Variants in KIAA0513 observed in about 807,000 individuals in gnomAD.
The protein encoded by KIAA0513 is KIAA0513.
A neutral mutation model predicts 56.5 loss-of-function variants in KIAA0513; 39 were observed. The ratio of observed to expected loss-of-function variants is 0.69; its 90% CI spans 0.53 to 0.90. The LOEUF (loss-of-function observed/expected upper bound fraction) is 0.90, where lower values mean the gene tolerates loss of function less well. Among genes scored for constraint, KIAA0513 ranks in the 40% least tolerant of loss-of-function variants. KIAA0513 has a pLI of 0.00. For missense variants in KIAA0513, 591 were observed against 535.2 expected, an observed-to-expected ratio of 1.10 and a Z score of -1.03; for synonymous variants, 268 against 215.6, an observed-to-expected ratio of 1.24 and a Z score of -2.13.
chr16:85,039,390 C>A (rs1167969269), intron 1 of KIAA0513, among the ~76,000 whole-genome samples: 1 of 152,200 alleles, frequency 6.6e-6, no homozygotes, highest in African/African-American at 2.4e-5. Flanking sequence ...GCAGCCTCAA[C>A]CTCCTGGGAT....
chr16:85,066,617 G>T (rs1256920071), intron 1 of KIAA0513, among the ~76,000 whole-genome samples: 1 of 152,174 alleles, frequency 6.6e-6, no homozygotes, highest in Non-Finnish European at 1.5e-5. Flanking sequence ...CTGGCGATGG[G>T]CTCAGTCTTG....
chr16:85,047,237 C>G (rs898617772), intron 1 of KIAA0513, among the ~76,000 whole-genome samples: 4 of 152,182 alleles, frequency 2.6e-5, no homozygotes, highest in African/African-American at 9.6e-5. Flanking sequence ...ATGCTCCGTC[C>G]TAACCTTCAG....
At chr16:85,049,743 T>C (rs894357100) in intron 1 of KIAA0513, among the ~76,000 whole-genome samples, 5 of 152,182 alleles carry the variant, frequency 3.3e-5, no homozygotes, top group Non-Finnish European at 7.4e-5. Flanking sequence ...GTAGATCCAA[T>C]TGAACCTTTG....
intron 10 of KIAA0513, among the ~76,000 whole-genome samples, chr16:85,085,331 A>G (rs375421948): frequency 3.3e-5 from 5 of 152,276 alleles, no homozygotes; most frequent in East Asian, 3.9e-4. Flanking sequence ...GACCCCTGCT[A>G]AGCTGCAGCA....
chr16:85,072,976 T>C lies in KIAA0513; in HGVS notation c.481T>C (p.Ser161Pro), dbSNP rs780939440. The change falls in exon 4 of 13, where the codon TCT becomes CCT. Residue 161 changes from serine to proline, a missense_variant. Ser to Pro is a moderately conservative substitution (Grantham distance 74, BLOSUM62 -1). Coordinates refer to ENST00000683363, the MANE Select transcript of KIAA0513 (RefSeq NM_001388359.1). ...GGCAACCTTCTACCGCCTGGTGCAG[T>C]CTTTTGCAGTGGTGCTGTTCGAGTA... is the stretch of plus-strand genomic sequence containing the variant. ...SEATFYRLVQ[S>P]FAVVLFECHQ... 1 of 1,614,132 alleles carries C rather than the reference T, an allele frequency of 6.2e-7. No homozygotes were observed. Among genetic ancestry groups the C allele is most frequent in the Non-Finnish European group, 8.5e-7 (1 of 1,179,988 alleles).
intron 6 of KIAA0513, among the ~76,000 whole-genome samples, chr16:85,077,999 C>G (rs991359366): frequency 6.6e-6 from 1 of 152,310 alleles, no homozygotes; most frequent in Non-Finnish European, 1.5e-5. Context: ...AACACTGTCC[C>G]CAGGAGAGCA....
At chr16:85,029,643 CCCT>C (rs1380682052) in intron 1 of KIAA0513, among the ~76,000 whole-genome samples, 2 of 152,190 alleles carry the variant, frequency 1.3e-5, no homozygotes, top group Non-Finnish European at 1.5e-5. Context: ...CCCACCTCCT[CCCT>C]CCTTTCTCTC....
chr16:85,059,735 C>G (rs1326017539), intron 1 of KIAA0513, among the ~76,000 whole-genome samples: 1 of 152,232 alleles, frequency 6.6e-6, no homozygotes, highest in African/African-American at 2.4e-5. Context: ...CTCCTCTGAG[C>G]TGTCTCATGT....
intron 1 of KIAA0513, among the ~76,000 whole-genome samples, chr16:85,052,060 G>A (rs1433092048): frequency 2.0e-5 from 3 of 151,670 alleles, no homozygotes; most frequent in East Asian, 3.9e-4. Context: ...AGTGGCTCAC[G>A]CCTGTAATCC....
chr16:85,058,308 T>A (rs899940166), intron 1 of KIAA0513, among the ~76,000 whole-genome samples: 6 of 152,192 alleles, frequency 3.9e-5, no homozygotes, highest in Non-Finnish European at 7.3e-5. Flanking sequence ...CAAATACCTG[T>A]ACCAAATTGA....
chr16:85,050,072 C>G (rs931260135), intron 1 of KIAA0513, among the ~76,000 whole-genome samples: 7 of 152,040 alleles, frequency 4.6e-5, no homozygotes, highest in African/African-American at 1.7e-4. Flanking sequence ...TTCTAACACG[C>G]AGTTGCAATG....
chr16:85,028,199 G>A (rs2072915316), intron 1 of KIAA0513, among the ~76,000 whole-genome samples: 1 of 152,154 alleles, frequency 6.6e-6, no homozygotes, highest in Admixed American at 6.5e-5. Flanking sequence ...CAACCCCGGG[G>A]CAGATGGTGG....
In KIAA0513 at chr16:85,090,397, T is replaced by C. The variant is rs958881489; in HGVS notation, c.*2072T>C. The C allele has an allele frequency of 3.3e-5, 5 of 152,216 alleles. No individual in the cohort carries two copies. The highest frequency in any genetic ancestry group is 7.3e-5 in the Non-Finnish European group (5 of 68,036). 9.4% of individuals were successfully genotyped at this position (152,216 alleles called of 1,614,324 possible). On this transcript the variant is annotated 3_prime_UTR_variant, in exon 13 of 13. Transcript: ENST00000683363. Reference sequence around the variant, plus strand: ...CTGCGGTGCCCACAGGACTTACCCCTGTATGTACAGGATTTTTGTATGAAA... The same window carrying C: ...CTGCGGTGCCCACAGGACTTACCCCCGTATGTACAGGATTTTTGTATGAAA...
chr16:85,079,848 T>G (rs1037362368), intron 8 of KIAA0513: 1 of 152,276 alleles, frequency 6.6e-6, no homozygotes, highest in Admixed American at 6.5e-5. Context: ...ATGGTTGAAG[T>G]GTGAGACCAG....
intron 1 of KIAA0513, among the ~76,000 whole-genome samples, chr16:85,038,350 C>A (rs1027303740): frequency 6.6e-6 from 1 of 152,152 alleles, no homozygotes; most frequent in Non-Finnish European, 1.5e-5. Flanking sequence ...CAAGACGCAC[C>A]ACGTGTATGA....
chr16:85,052,745 G>C (rs1395770093), intron 1 of KIAA0513, among the ~76,000 whole-genome samples: 1 of 152,148 alleles, frequency 6.6e-6, no homozygotes, highest in African/African-American at 2.4e-5. Flanking sequence ...TTGGGGGCAG[G>C]TGCTTTTGTC....
chr16:85,058,682 AAACAAAAAAC>A (rs1306014567), intron 1 of KIAA0513, among the ~76,000 whole-genome samples: 3 of 151,992 alleles, frequency 2.0e-5, no homozygotes, highest in Admixed American at 6.6e-5. Context: ...ACAAGAAAAC[AAACAAAAAAC>A]AACAAAAAAA....
At chr16:85,045,904 C>T (rs756365991) in intron 1 of KIAA0513, among the ~76,000 whole-genome samples, 1 of 152,152 alleles carries the variant, frequency 6.6e-6, no homozygotes, top group Non-Finnish European at 1.5e-5. Context: ...CTGTACTTAT[C>T]TTAGTCCCAT....
chr16:85,048,529 C>A (rs889237029), intron 1 of KIAA0513, among the ~76,000 whole-genome samples: 2 of 124,054 alleles, frequency 1.6e-5, no homozygotes, highest in Non-Finnish European at 3.3e-5. Flanking sequence ...CCCTCTCCCC[C>A]CTTTTTTTCT....
Sources: allele counts gnomAD v4.1 joint callset (sites outside exome capture counted in the v4.1 genomes callset), GRCh38; gene constraint gnomAD v4.1.1; transcripts MANE v1.5; gene names NCBI Gene and HGNC (gene_info 2026-07-23, HGNC 2026-07-21).